The following GPR158 variants were observed in gnomAD, a reference collection of about 807,000 sequenced individuals.
GPR158 encodes metabotropic glycine receptor.
GPR158 carries 30 observed loss-of-function variants against 78.2 expected under a neutral mutation model. The observed-to-expected ratio is 0.38, with a 90% CI of 0.29 to 0.52. The LOEUF (loss-of-function observed/expected upper bound fraction) is 0.52, where lower values mean the gene tolerates loss of function less well. Ranked by LOEUF, GPR158 falls within the 20% of genes least tolerant of loss-of-function variation. The probability of loss-of-function intolerance (pLI) is 0.83; values close to 1 mark genes in which losing one functional copy is unlikely to be tolerated. For synonymous variants in GPR158, 581 were observed against 591.1 expected, an observed-to-expected ratio of 0.98 and a Z score of 0.25; for missense variants, 1,463 against 1,523.5, an observed-to-expected ratio of 0.96 and a Z score of 0.66.
intron 6 of GPR158, among the ~76,000 whole-genome samples, chr10:25,563,042 C>T (rs1836878947): frequency 6.6e-6 from 1 of 151,968 alleles, no homozygotes; most frequent in Admixed American, 6.6e-5. Context: ...TTTTTTGTCT[C>T]CAACAAATGT....
chr10:25,278,873 TA>T (rs1854224810), intron 2 of GPR158, among the ~76,000 whole-genome samples: 5 of 151,826 alleles, frequency 3.3e-5, no homozygotes, highest in Admixed American at 3.3e-4. Flanking sequence ...AGACCTTCAT[TA>T]AAAGTACTTC....
chr10:25,315,553 G>A (rs1463419069), intron 2 of GPR158, among the ~76,000 whole-genome samples: 6 of 152,106 alleles, frequency 3.9e-5, no homozygotes, highest in African/African-American at 1.4e-4. Flanking sequence ...ATTTGGTCAT[G>A]TAATGAGTTT....
intron 8 of GPR158, among the ~76,000 whole-genome samples, chr10:25,592,903 C>CAAAAAAA (rs113359370): frequency 3.2e-5 from 2 of 62,478 alleles, no homozygotes; most frequent in Admixed American, 1.7e-4. Context: ...TATTTCAATG[C>CAAAAAAA]AAAAAAAAAA....
intron 1 of GPR158, among the ~76,000 whole-genome samples, chr10:25,206,726 G>C (rs1853043663): frequency 6.6e-6 from 1 of 151,842 alleles, no homozygotes; most frequent in South Asian, 2.1e-4. Context: ...TGCCTATTAT[G>C]TACATGTATT....
intron 2 of GPR158, among the ~76,000 whole-genome samples, chr10:25,389,877 T>C (rs1281111979): frequency 6.6e-6 from 1 of 152,130 alleles, no homozygotes; most frequent in Non-Finnish European, 1.5e-5. Flanking sequence ...CCCACCCAAG[T>C]CTCATCTTGA....
intron 2 of GPR158, among the ~76,000 whole-genome samples, chr10:25,362,354 G>C (rs1251496276): frequency 6.6e-6 from 1 of 151,716 alleles, no homozygotes; most frequent in African/African-American, 2.4e-5. Flanking sequence ...TTTTATTATG[G>C]TGGTTTTATA....
intron 3 of GPR158, among the ~76,000 whole-genome samples, chr10:25,398,178 A>G (rs556134512): frequency 6.6e-6 from 1 of 152,364 alleles, no homozygotes; most frequent in Admixed American, 6.5e-5. Flanking sequence ...CTAAACAGAG[A>G]ACCCAGTTAC....
At chr10:25,385,580 C>T (rs1470673132) in intron 2 of GPR158, among the ~76,000 whole-genome samples, 1 of 152,082 alleles carries the variant, frequency 6.6e-6, no homozygotes, top group African/African-American at 2.4e-5. Flanking sequence ...CATGTTTTCA[C>T]CAACAGTGCA....
chr10:25,293,784 T>C (rs1174007881), intron 2 of GPR158, among the ~76,000 whole-genome samples: 1 of 151,680 alleles, frequency 6.6e-6, no homozygotes, highest in Non-Finnish European at 1.5e-5. Flanking sequence ...TTCACACTGT[T>C]GCCTGAGCTG....
intron 3 of GPR158, among the ~76,000 whole-genome samples, chr10:25,400,418 C>T (rs1834427940): frequency 1.3e-5 from 2 of 152,042 alleles, no homozygotes; most frequent in African/African-American, 4.8e-5. Flanking sequence ...ATTTAAAAAT[C>T]TTTATTTAGA....
At chr10:25,521,534 A>T (rs1836274106) in intron 5 of GPR158, among the ~76,000 whole-genome samples, 1 of 152,218 alleles carries the variant, frequency 6.6e-6, no homozygotes. Context: ...CTGGCAACTT[A>T]GAGATTTCTT....
intron 4 of GPR158, among the ~76,000 whole-genome samples, chr10:25,430,454 TC>T: frequency 2.0e-5 from 3 of 149,282 alleles, no homozygotes; most frequent in African/African-American, 7.5e-5. Flanking sequence ...ATTTACAGAT[TC>T]AATGCCATCC....
In GPR158 at chr10:25,314,885, A is replaced by ATG. The variant is rs1554793110; in HGVS notation, c.1009-81025_1009-81024dup. ...GTCATATATATATATATATATATAT[A>ATG]TGACTAATGAGTTTACACATACACA... On this transcript the variant is annotated intron_variant, in intron 2 of 10. Coordinates refer to ENST00000376351, the MANE Select transcript of GPR158 (RefSeq NM_020752.3). 4.4e-3 allele frequency among the ~76,000 whole-genome samples: 527 copies of ATG among 119,174 alleles called. 1 individual carries two copies. The highest frequency in any genetic ancestry group is 9.4e-3 in the African/African-American group (273 of 29,196). 78.2% of individuals were successfully genotyped at this position (119,174 alleles called of 152,430 possible).
At chr10:25,347,072 G>T (rs1855381198) in intron 2 of GPR158, among the ~76,000 whole-genome samples, 1 of 151,932 alleles carries the variant, frequency 6.6e-6, no homozygotes, top group South Asian at 2.1e-4. Flanking sequence ...ACCAAGCATA[G>T]TGCCTGTATT....
intron 4 of GPR158, among the ~76,000 whole-genome samples, chr10:25,413,348 T>G (rs1400033994): frequency 6.6e-6 from 1 of 152,072 alleles, no homozygotes; most frequent in Non-Finnish European, 1.5e-5. Flanking sequence ...TAAAAAGAGG[T>G]GCGTAGAAGC....
At chr10:25,294,420 A>G (rs1035494256) in intron 2 of GPR158, among the ~76,000 whole-genome samples, 2 of 152,210 alleles carry the variant, frequency 1.3e-5, no homozygotes, top group African/African-American at 4.8e-5. Context: ...TTTGCTCAGC[A>G]AGATAATTTC....
intron 5 of GPR158, among the ~76,000 whole-genome samples, chr10:25,494,650 T>C (rs973693993): frequency 1.3e-5 from 2 of 152,178 alleles, no homozygotes; most frequent in Non-Finnish European, 2.9e-5. Context: ...CTCAGACTTT[T>C]TGTTTAACTA....
chr10:25,368,985 G>A (rs1833948546), intron 2 of GPR158, among the ~76,000 whole-genome samples: 1 of 148,208 alleles, frequency 6.7e-6, no homozygotes, highest in African/African-American at 2.5e-5. Flanking sequence ...TGTTATTGGT[G>A]TATAGGAATG....
At chr10:25,336,421 T>C (rs760295737) in intron 2 of GPR158, among the ~76,000 whole-genome samples, 7 of 152,096 alleles carry the variant, frequency 4.6e-5, no homozygotes, top group Non-Finnish European at 8.8e-5. Flanking sequence ...CTGACAACCA[T>C]CTTTCTGCTG....
Sources: gnomAD v4.1 joint callset for allele counts (sites outside exome capture counted in the v4.1 genomes callset) on GRCh38, gnomAD v4.1.1 for gene constraint, MANE v1.5 for transcripts, NCBI Gene and HGNC (gene_info 2026-07-23, HGNC 2026-07-21) for gene names.